Variants in LRRC4C observed in about 807,000 individuals in gnomAD.
LRRC4C encodes the protein leucine-rich repeat-containing protein 4C.
LRRC4C carries 5 observed loss-of-function variants against 33.6 expected under a neutral mutation model. The ratio of observed to expected loss-of-function variants is 0.15; its 90% CI spans 0.08 to 0.31. The LOEUF (loss-of-function observed/expected upper bound fraction) is 0.31. Among genes scored for constraint, LRRC4C ranks in the 10% least tolerant of loss-of-function variants. The pLI is 1.00. For missense variants in LRRC4C, 560 were observed against 796.7 expected (o/e 0.70, Z 3.58); for synonymous variants, 329 against 302.0 (o/e 1.09, Z -0.93).
intron 1 of LRRC4C, among the ~76,000 whole-genome samples, chr11:41,363,263 C>G (rs1323407121): frequency 6.6e-6 from 1 of 152,182 alleles, no homozygotes; most frequent in South Asian, 2.1e-4. Flanking sequence ...GAGTCATCCA[C>G]CTGAGTCTTG....
rs919246369 is a variant in LRRC4C, at chr11:40,913,247, A to C, written c.-407+20388T>G. Among the ~76,000 whole-genome samples, 7 of 152,210 alleles carry C rather than the reference A, an allele frequency of 4.6e-5. No individual in the cohort carries two copies. The South Asian group carries it at 1.0e-3, about 23-fold the overall frequency. On this transcript the variant is annotated intron_variant, in intron 2 of 6. Transcript: ENST00000528697. The stretch of plus-strand genomic sequence containing the variant: ...ACCCCAAATCAACAGAATATACATT[A>C]TTTTCAGCACCACACCACACCTATT...
At chr11:40,377,418 C>T (rs570227581) in intron 3 of LRRC4C, among the ~76,000 whole-genome samples, 4 of 152,228 alleles carry the variant, frequency 2.6e-5, no homozygotes, top group South Asian at 2.1e-4. Flanking sequence ...ATTTTCCCCA[C>T]GCATGTGTGG....
intron 2 of LRRC4C, among the ~76,000 whole-genome samples, chr11:40,924,122 G>GTGTATA (rs370589025): frequency 1.6e-3 from 235 of 145,306 alleles, no homozygotes; most frequent in East Asian, 3.7e-3. Context: ...GTGTGTGTGT[G>GTGTATA]TATATATATA....
intron 3 of LRRC4C, among the ~76,000 whole-genome samples, chr11:40,444,308 T>G (rs111728034): frequency 7.1e-6 from 1 of 140,212 alleles, no homozygotes; most frequent in Non-Finnish European, 1.6e-5. Flanking sequence ...TTCTAATCTC[T>G]GCCTTAACAT....
chr11:40,434,698 T>G (rs1045567717), intron 3 of LRRC4C, among the ~76,000 whole-genome samples: 3 of 152,192 alleles, frequency 2.0e-5, no homozygotes, highest in Admixed American at 6.5e-5. Context: ...AGAATTACTG[T>G]TGAACACAAT....
At chr11:41,371,816 T>C (rs1400149464) in intron 1 of LRRC4C, among the ~76,000 whole-genome samples, 2 of 152,194 alleles carry the variant, frequency 1.3e-5, no homozygotes, top group Non-Finnish European at 2.9e-5. Flanking sequence ...ACTTAACTCC[T>C]GCCACACTGA....
intron 3 of LRRC4C, among the ~76,000 whole-genome samples, chr11:40,532,698 G>T (rs1956317971): frequency 6.6e-6 from 1 of 150,724 alleles, no homozygotes; most frequent in African/African-American, 2.5e-5. Context: ...CAACATAGAA[G>T]TGGGGGAGGA....
At chr11:40,190,717 G>A (rs1373419798) in intron 5 of LRRC4C, among the ~76,000 whole-genome samples, 2 of 152,164 alleles carry the variant, frequency 1.3e-5, no homozygotes, top group African/African-American at 2.4e-5. Flanking sequence ...ACCTGAGGAT[G>A]CAATCTAGAA....
intron 3 of LRRC4C, among the ~76,000 whole-genome samples, chr11:40,399,025 T>C (rs1240590519): frequency 6.6e-6 from 1 of 152,112 alleles, no homozygotes; most frequent in Non-Finnish European, 1.5e-5. Context: ...TGAAATTATA[T>C]CCTTAACAGA....
chr11:40,896,981 A>T (rs1955975569), intron 2 of LRRC4C, among the ~76,000 whole-genome samples: 1 of 152,214 alleles, frequency 6.6e-6, no homozygotes, highest in Non-Finnish European at 1.5e-5. Flanking sequence ...TTTGAGAAAG[A>T]TAAACCTTAA....
At chr11:41,365,326 C>G (rs1242745405) in intron 1 of LRRC4C, among the ~76,000 whole-genome samples, 8 of 151,694 alleles carry the variant, frequency 5.3e-5, no homozygotes, top group African/African-American at 1.9e-4. Flanking sequence ...CATCTAGTTG[C>G]AGGAAAACAA....
At chr11:40,145,023 G>A (rs1000381710) in intron 5 of LRRC4C, among the ~76,000 whole-genome samples, 6 of 152,132 alleles carry the variant, frequency 3.9e-5, no homozygotes, top group Non-Finnish European at 7.4e-5. Flanking sequence ...GCTTGCTTAT[G>A]TGTCTTTCTG....
At chr11:40,786,307 A>T (rs1950408795) in intron 2 of LRRC4C, among the ~76,000 whole-genome samples, 1 of 152,224 alleles carries the variant, frequency 6.6e-6, no homozygotes. Context: ...ATGGGATGTT[A>T]GTGAATATGA....
chr11:40,425,345 T>C (rs1950671771), intron 3 of LRRC4C, among the ~76,000 whole-genome samples: 18 of 152,166 alleles, frequency 1.2e-4, no homozygotes, highest in Admixed American at 1.2e-3. Context: ...AGCAGGGGGA[T>C]ATGCACACTC....
At chr11:40,457,103 G>GAAAAAAAAAAAAAAAAA (rs74671900) in intron 3 of LRRC4C, among the ~76,000 whole-genome samples, 1 of 78,852 alleles carries the variant, frequency 1.3e-5, no homozygotes. Flanking sequence ...TCTTAAAAAA[G>GAAAAAAAAAAAAAAAAA]AAAAAAAAAA....
chr11:40,817,140 C>T (rs1470966396), intron 2 of LRRC4C, among the ~76,000 whole-genome samples: 1 of 152,142 alleles, frequency 6.6e-6, no homozygotes, highest in Non-Finnish European at 1.5e-5. Context: ...TATTCCTTTG[C>T]CTCACTCAGA....
chr11:40,890,867 A>T (rs1319213916), intron 2 of LRRC4C, among the ~76,000 whole-genome samples: 2 of 152,182 alleles, frequency 1.3e-5, no homozygotes, highest in Non-Finnish European at 2.9e-5. Flanking sequence ...AATTGCAAAC[A>T]TATCCAATGT....
At chr11:40,332,027 A>C (rs936779656) in intron 3 of LRRC4C, among the ~76,000 whole-genome samples, 2 of 152,246 alleles carry the variant, frequency 1.3e-5, no homozygotes, top group African/African-American at 4.8e-5. Context: ...CATGTAAATT[A>C]ACACTTGAGA....
intron 2 of LRRC4C, among the ~76,000 whole-genome samples, chr11:40,839,137 T>G (rs1016227232): frequency 5.3e-5 from 8 of 152,184 alleles, no homozygotes; most frequent in Admixed American, 1.3e-4. Flanking sequence ...TTTTGCCTGT[T>G]TTTTAGATAT....
Sources: allele counts gnomAD v4.1 joint callset (sites outside exome capture counted in the v4.1 genomes callset), GRCh38; gene constraint gnomAD v4.1.1; transcripts MANE v1.5; gene names NCBI Gene and HGNC (gene_info 2026-07-23, HGNC 2026-07-21).